EP400: variants seen among roughly 807,000 people sequenced by gnomAD.
The protein encoded by EP400 is E1A binding protein p400.
EP400 carries 105 observed loss-of-function variants against 354.1 expected under a neutral mutation model. The observed-to-expected ratio is 0.30, with a 90% CI of 0.25 to 0.35. The LOEUF is 0.35. Among genes scored for constraint, EP400 ranks in the 10% least tolerant of loss-of-function variants. The pLI is 1.00. For synonymous variants in EP400, 1,646 were observed against 1,716.9 expected (o/e 0.96, Z 1.02); for missense variants, 3,280 against 4,121.0 (o/e 0.80, Z 5.59).
chr12:132,042,968 C>G (rs1894964180), intron 32 of EP400, among the ~76,000 whole-genome samples: 1 of 152,216 alleles, frequency 6.6e-6, no homozygotes, highest in African/African-American at 2.4e-5. Context: ...GAGATGGAGC[C>G]TCCTTGGGCC....
At position 131,982,208 on chromosome 12, in the gene EP400, A is replaced by T. The variant is rs1892704091; in HGVS notation, c.1659A>T (p.Pro553=). 1 of 1,613,602 alleles carries T rather than the reference A, an allele frequency of 6.2e-7. No individual in the cohort carries two copies. The highest frequency in any genetic ancestry group is 1.1e-5 in the South Asian group (1 of 91,062). Residue 553 remains proline (P), a synonymous_variant, in exon 5 of 53, where the codon CCA becomes CCT. Transcript: ENST00000389561. ...PVQNAASLHT[P]LPQLPGRLPP... is the part of the protein sequence containing the mutation. ...AGAACGCTGCCAGCTTGCACACCCC[A>T]CTGCCGCAGCTGCCCGGGAGGCTGC...
At position 132,044,692 on chromosome 12, in the gene EP400, G is replaced by A. The variant is rs1391780202; in HGVS notation, c.6607G>A (p.Asp2203Asn). 6 of 1,614,154 alleles carry A rather than the reference G, an allele frequency of 3.7e-6. No individual in the cohort carries two copies. The highest frequency in any genetic ancestry group is 4.2e-6 in the Non-Finnish European group (5 of 1,180,026). ...ACAGGAGTATGTCTACGAAGATGTC[G>A]ATGGGCAGACAGAAGTCATGCCGGT... Reference protein sequence around the residue: ...YSMEYVYEDVDGQTEVMPLWT... With the variant: ...YSMEYVYEDVNGQTEVMPLWT... Residue 2203 changes from aspartate to asparagine, a missense_variant, in exon 36 of 53, where the codon GAT (aspartate) becomes AAT (asparagine). Asp to Asn is a conservative substitution (Grantham distance 23). This residue lies in a region of EP400 where 231 missense variants were observed against 257.9 expected (regional missense o/e 0.90). Coordinates refer to ENST00000389561, the MANE Select transcript of EP400 (RefSeq NM_015409.5).
chr12:132,064,982 G>A, intron 48 of EP400, 96 bp downstream of exon 48: 3 of 1,494,398 alleles, frequency 2.0e-6, no homozygotes, highest in East Asian at 2.5e-5. Flanking sequence ...CGTGTTACAG[G>A]AGTGAGTGTG....
intron 50 of EP400, chr12:132,068,276 C>T (rs987644386): frequency 1.3e-5 from 2 of 152,498 alleles, no homozygotes; most frequent in Non-Finnish European, 2.9e-5. Context: ...GGGAGCTGCC[C>T]TGTTCCCTGA....
At chr12:132,019,310 A>G (rs1418876928) in intron 21 of EP400, among the ~76,000 whole-genome samples, 1 of 152,210 alleles carries the variant, frequency 6.6e-6, no homozygotes, top group Non-Finnish European at 1.5e-5. Context: ...CCAAAGTGGT[A>G]GAATTACAGG....
intron 32 of EP400, among the ~76,000 whole-genome samples, chr12:132,039,510 G>C (rs1448928455): frequency 6.6e-6 from 1 of 152,156 alleles, no homozygotes; most frequent in Non-Finnish European, 1.5e-5. Context: ...CTATTCCTGA[G>C]GGATCCACCC....
chr12:132,042,276 G>T (rs1356947986), intron 32 of EP400, among the ~76,000 whole-genome samples: 3 of 152,092 alleles, frequency 2.0e-5, no homozygotes, highest in Non-Finnish European at 4.4e-5. Flanking sequence ...TTAATGACTT[G>T]TTGGAGTTCT....
chr12:131,951,304 G>A (rs920994056), intron 1 of EP400, among the ~76,000 whole-genome samples: 1 of 151,662 alleles, frequency 6.6e-6, no homozygotes, highest in African/African-American at 2.4e-5. Context: ...CGCCCACCTC[G>A]CCCTCGCAAA....
rs761142052 is a variant in EP400, at chr12:132,066,858, C to G, written c.8638C>G (p.Pro2880Ala). 3.1e-6 allele frequency: 5 copies of G among 1,614,042 alleles called. No individual in the cohort carries two copies. In the Admixed American group the frequency reaches 6.7e-5, roughly 22 times the overall value. The change falls in exon 49 of 53, where the codon CCT (proline) becomes GCT (alanine). Residue 2880 changes from proline to alanine, a missense_variant. This residue lies in a region of EP400 where 279 missense variants were observed against 386.7 expected (regional missense o/e 0.72). Coordinates refer to ENST00000389561, the MANE Select transcript of EP400 (RefSeq NM_015409.5). ...PQPAQVALAK[P>A]PVVSVPAAVV... ...GCCAGCCCAGGTGGCCTTGGCGAAG[C>G]CTCCGGTGGTGTCCGTCCCGGCAGC...
At chr12:131,967,466 T>A (rs1713394655) in intron 2 of EP400, among the ~76,000 whole-genome samples, 1 of 151,498 alleles carries the variant, frequency 6.6e-6, no homozygotes, top group South Asian at 2.1e-4. Context: ...GGCTGGCAGA[T>A]CAGTTGAGGC....
intron 48 of EP400, chr12:132,065,367 C>T: frequency 6.2e-6 from 1 of 161,174 alleles, no homozygotes. Context: ...AAGACTGGCT[C>T]TCAGCAGGTG....
intron 34 of EP400, 88 bp from the exon 35 acceptor site, chr12:132,044,089 A>C: frequency 6.4e-7 from 1 of 1,555,880 alleles, no homozygotes; most frequent in Non-Finnish European, 8.7e-7. Flanking sequence ...TGTGGCTCTG[A>C]GACAACAGGG....
Position 132,062,278 on chromosome 12 carries a change from C to G in EP400, c.8053C>G (p.Pro2685Ala). The change falls in exon 46 of 53, where the codon CCA (proline) becomes GCA (alanine). Residue 2685 changes from proline (P) to alanine (A), a missense_variant. Physicochemically the swap from Pro to Ala is conservative, Grantham distance 27. This residue lies in a region of EP400 where 255 missense variants were observed against 295.9 expected (regional missense o/e 0.86). Coordinates refer to ENST00000389561, the MANE Select transcript of EP400 (RefSeq NM_015409.5). Reference sequence around the variant, plus strand: ...GGCCGTGGTCACTACCAACCTGACCCCAGTGCAGACCCCGGCACGGTCTTT... The same window carrying G: ...GGCCGTGGTCACTACCAACCTGACCGCAGTGCAGACCCCGGCACGGTCTTT... ...ASAVVTTNLTPVQTPARSLVP... is the reference protein window; with the variant it reads ...ASAVVTTNLTAVQTPARSLVP... 6.2e-7 allele frequency: 1 copy of G among 1,614,230 alleles called. No individual in the cohort carries two copies. Among genetic ancestry groups the G allele is most frequent in the South Asian group, 1.1e-5 (1 of 91,082 alleles).
intron 2 of EP400, among the ~76,000 whole-genome samples, chr12:131,974,147 T>G (rs569098669): frequency 6.6e-6 from 1 of 152,138 alleles, no homozygotes; most frequent in Admixed American, 6.5e-5. Flanking sequence ...CCCAGCTAAT[T>G]TTTGTATTTT....
intron 12 of EP400, 32 bp from the exon 13 acceptor site, chr12:132,005,045 G>A: frequency 2.0e-6 from 3 of 1,504,056 alleles, no homozygotes; most frequent in Non-Finnish European, 2.7e-6. Flanking sequence ...TTGTTATAAA[G>A]TAACAGCCCT....
intron 12 of EP400, among the ~76,000 whole-genome samples, chr12:131,996,225 G>GTGCT (rs1393086070): frequency 6.6e-6 from 1 of 152,008 alleles, no homozygotes; most frequent in Non-Finnish European, 1.5e-5. Flanking sequence ...TGGCTTGCCT[G>GTGCT]TGCTCAGGGG....
intron 52 of EP400, 123 bp from the exon 53 acceptor site, chr12:132,077,278 C>A: frequency 8.1e-7 from 1 of 1,241,488 alleles, no homozygotes; most frequent in Non-Finnish European, 1.1e-6. Flanking sequence ...GGTCATTCTT[C>A]CGTGTCATAA....
intron 12 of EP400, among the ~76,000 whole-genome samples, chr12:131,999,710 G>T (rs1467460990): frequency 6.6e-6 from 1 of 152,026 alleles, no homozygotes; most frequent in Non-Finnish European, 1.5e-5. Context: ...AAGTGCTGGG[G>T]TTACAGGCTG....
rs1166931090 is a variant in EP400 at position 132,077,598 on chromosome 12, A to G, written c.9297A>G (p.Pro3099=). ...AGGTGCCCGCCAGCTCCGACAGCCC[A>G]AGCCAGCAGCCCAAGTTACAGATGA... ...PAQVPASSDS[P]SQQPKLQMRV... is the part of the protein sequence containing the mutation. Residue 3099 remains proline (P), a synonymous_variant, in exon 53 of 53, where the codon CCA becomes CCG. Coordinates refer to ENST00000389561, the MANE Select transcript of EP400 (RefSeq NM_015409.5). The G allele has an allele frequency of 6.2e-7, 1 of 1,614,034 alleles. No homozygotes were observed. The highest frequency in any genetic ancestry group is 2.2e-5 in the East Asian group (1 of 44,888).
Sources: allele counts gnomAD v4.1 joint callset (sites outside exome capture counted in the v4.1 genomes callset), GRCh38; gene constraint gnomAD v4.1.1; regional missense constraint gnomAD v4.1.1; transcripts MANE v1.5; gene names NCBI Gene and HGNC (gene_info 2026-07-23, HGNC 2026-07-21).